The following KCTD16 variants were observed in gnomAD, a reference collection of about 807,000 sequenced individuals.
KCTD16 encodes the protein BTB/POZ domain-containing protein KCTD16.
In KCTD16, 13 loss-of-function variants were observed where a neutral mutation model predicts 33.2. That is an observed-to-expected ratio of 0.39 (90% CI 0.25 to 0.62). The LOEUF (loss-of-function observed/expected upper bound fraction) is 0.62, where lower values mean the gene tolerates loss of function less well. KCTD16 is among the 20% of genes least tolerant of loss of function. KCTD16 has a pLI of 0.50. For synonymous variants in KCTD16, 197 were observed against 195.3 expected (o/e 1.01, Z -0.07); for missense variants, 441 against 525.1 (o/e 0.84, Z 1.57).
intron 3 of KCTD16, among the ~76,000 whole-genome samples, chr5:144,216,975 T>C: frequency 6.6e-6 from 1 of 150,652 alleles, no homozygotes; most frequent in East Asian, 1.9e-4. Context: ...TAGTGGTAAC[T>C]TTTTTGTAAA....
intron 2 of KCTD16, among the ~76,000 whole-genome samples, chr5:144,194,746 C>G (rs574217348): frequency 1.3e-5 from 2 of 152,276 alleles, no homozygotes; most frequent in East Asian, 1.9e-4. Context: ...ACTTTTTCAG[C>G]TGGTAAACAA....
chr5:144,296,141 C>A (rs1265650481), intron 3 of KCTD16, among the ~76,000 whole-genome samples: 1 of 152,156 alleles, frequency 6.6e-6, no homozygotes, highest in Admixed American at 6.5e-5. Context: ...CTCATGGAAA[C>A]TTCTCTACAG....
intron 2 of KCTD16, among the ~76,000 whole-genome samples, chr5:144,197,262 T>C (rs1315306045): frequency 6.6e-6 from 1 of 152,210 alleles, no homozygotes; most frequent in East Asian, 1.9e-4. Context: ...CAATGTCTTA[T>C]TTCTATAAGC....
intron 3 of KCTD16, among the ~76,000 whole-genome samples, chr5:144,393,559 G>A (rs77617353): frequency 6.6e-6 from 1 of 151,694 alleles, no homozygotes; most frequent in Non-Finnish European, 1.5e-5. Context: ...TATATATATA[G>A]AGAGAGAGTG....
intron 3 of KCTD16, 148 bp from the exon 4 acceptor site, chr5:144,473,512 C>A: frequency 1.4e-6 from 1 of 740,292 alleles, no homozygotes; most frequent in Non-Finnish European, 2.2e-6. Context: ...CCTGTTGCAG[C>A]CCACCCTGGG....
intron 3 of KCTD16, among the ~76,000 whole-genome samples, chr5:144,289,873 A>G (rs1755846893): frequency 6.6e-6 from 1 of 152,190 alleles, no homozygotes; most frequent in Non-Finnish European, 1.5e-5. Flanking sequence ...TGCATCTTAT[A>G]CCATAAAATT....
In KCTD16 at chr5:144,474,126, G is replaced by T; in HGVS notation, c.*12G>T. 2 of 1,545,944 alleles carry T rather than the reference G, an allele frequency of 1.3e-6. No homozygotes were observed. Among genetic ancestry groups the T allele is most frequent in the South Asian group, 2.4e-5 (2 of 82,590 alleles). The stretch of plus-strand genomic sequence containing the variant: ...AGTATCATCTATAAGGGAGGGCTGG[G>T]GGCGGGAAAAGAAAAAAAAAAGTCA... On this transcript the variant is annotated 3_prime_UTR_variant, in exon 4 of 4. Transcript: ENST00000512467.
chr5:144,431,806 T>G (rs911106773), intron 3 of KCTD16, among the ~76,000 whole-genome samples: 2 of 152,180 alleles, frequency 1.3e-5, no homozygotes, highest in Non-Finnish European at 2.9e-5. Context: ...ACTCAATAAC[T>G]TGAATTATTT....
intron 3 of KCTD16, among the ~76,000 whole-genome samples, chr5:144,387,542 G>A (rs1752351532): frequency 1.3e-5 from 2 of 152,084 alleles, no homozygotes; most frequent in African/African-American, 4.8e-5. Flanking sequence ...CTTACTTAAA[G>A]CATAAAGAAA....
At chr5:144,198,867 C>T (rs1239330113) in intron 2 of KCTD16, among the ~76,000 whole-genome samples, 1 of 152,134 alleles carries the variant, frequency 6.6e-6, no homozygotes, top group East Asian at 1.9e-4. Flanking sequence ...GAAAAGGGAT[C>T]AGTAACATCA....
chr5:144,218,156 T>TCCA (rs1295265108), intron 3 of KCTD16, among the ~76,000 whole-genome samples: 1 of 152,194 alleles, frequency 6.6e-6, no homozygotes, highest in Non-Finnish European at 1.5e-5. Context: ...GTAATTCACC[T>TCCA]GTGAACAGAA....
At position 144,417,602 on chromosome 5, in the gene KCTD16, T is replaced by C. The variant is rs995795048; in HGVS notation, c.833-56058T>C. ...ACAATTTCTTAGAACAAAATATTTT[T>C]AAATTTTTGATGAGATACAATTTAT... On this transcript the variant is annotated intron_variant, in intron 3 of 3. Coordinates refer to ENST00000512467, the MANE Select transcript of KCTD16 (RefSeq NM_020768.4). 3.3e-5 allele frequency among the ~76,000 whole-genome samples: 5 copies of C among 152,326 alleles called. No individual in the cohort carries two copies. In the East Asian group the frequency reaches 9.6e-4, roughly 29 times the overall value.
chr5:144,373,190 G>A (rs1433548595), intron 3 of KCTD16, among the ~76,000 whole-genome samples: 1 of 152,058 alleles, frequency 6.6e-6, no homozygotes, highest in Non-Finnish European at 1.5e-5. Context: ...TTTAAAGAGA[G>A]GATGGAGGCT....
chr5:144,397,193 A>G (rs1217338692), intron 3 of KCTD16, among the ~76,000 whole-genome samples: 7 of 149,578 alleles, frequency 4.7e-5, no homozygotes, highest in Non-Finnish European at 1.0e-4. Flanking sequence ...TTGTCCTTCC[A>G]ATAGTTTGCT....
intron 3 of KCTD16, among the ~76,000 whole-genome samples, chr5:144,311,601 C>A (rs1751768652): frequency 6.6e-6 from 1 of 152,124 alleles, no homozygotes; most frequent in Non-Finnish European, 1.5e-5. Flanking sequence ...TCAAAGAATA[C>A]TCTGAAGCCA....
chr5:144,241,543 T>C (rs971191265), intron 3 of KCTD16, among the ~76,000 whole-genome samples: 2 of 152,162 alleles, frequency 1.3e-5, no homozygotes, highest in African/African-American at 4.8e-5. Context: ...GGCAAACAAG[T>C]CTTGCATGTG....
chr5:144,467,519 A>G (rs1343495473), intron 3 of KCTD16, among the ~76,000 whole-genome samples: 1 of 152,194 alleles, frequency 6.6e-6, no homozygotes, highest in Non-Finnish European at 1.5e-5. Flanking sequence ...GAAAGCAGAC[A>G]TTAAGCCAAT....
At chr5:144,464,789 T>G (rs981229324) in intron 3 of KCTD16, among the ~76,000 whole-genome samples, 1 of 152,022 alleles carries the variant, frequency 6.6e-6, no homozygotes, top group African/African-American at 2.4e-5. Flanking sequence ...CCTCTTCTTC[T>G]TCTTCATAGC....
At chr5:144,382,180 G>T (rs1003586149) in intron 3 of KCTD16, among the ~76,000 whole-genome samples, 1 of 152,076 alleles carries the variant, frequency 6.6e-6, no homozygotes, top group Non-Finnish European at 1.5e-5. Flanking sequence ...TCACTTATAC[G>T]TGGGAGTTAA....
Sources: gnomAD v4.1 joint callset for allele counts (sites outside exome capture counted in the v4.1 genomes callset) on GRCh38, gnomAD v4.1.1 for gene constraint, MANE v1.5 for transcripts, NCBI Gene and HGNC (gene_info 2026-07-23, HGNC 2026-07-21) for gene names.